The following FAT2 variants were observed in gnomAD, a reference collection of about 807,000 sequenced individuals.
FAT2 encodes protocadherin Fat 2.
A neutral mutation model predicts 295.3 loss-of-function variants in FAT2; 150 were observed. The ratio of observed to expected loss-of-function variants is 0.51; its 90% CI spans 0.44 to 0.58. The LOEUF (loss-of-function observed/expected upper bound fraction) is 0.58. Ranked by LOEUF, FAT2 falls within the 20% of genes least tolerant of loss-of-function variation. The pLI, the probability that FAT2 is intolerant of heterozygous loss-of-function variation, is 0.00. For missense variants in FAT2, 4,868 were observed against 5,442.7 expected, an observed-to-expected ratio of 0.89 and a Z score of 3.32; for synonymous variants, 2,026 against 2,150.3, an observed-to-expected ratio of 0.94 and a Z score of 1.60.
At chr5:151,548,405 G>T (rs1314004451) in intron 9 of FAT2, among the ~76,000 whole-genome samples, 1 of 151,904 alleles carries the variant, frequency 6.6e-6, no homozygotes, top group Middle Eastern at 3.2e-3. Context: ...TATAGTAATT[G>T]CTTATAATTA....
chr5:151,579,969 T>C (rs1758882440), intron 1 of FAT2, among the ~76,000 whole-genome samples: 4 of 152,204 alleles, frequency 2.6e-5, no homozygotes. Context: ...TCCCTATGCA[T>C]TGTCCCTTTG....
chr5:151,523,578 A>C (rs1342946734), intron 18 of FAT2, among the ~76,000 whole-genome samples: 1 of 152,154 alleles, frequency 6.6e-6, no homozygotes, highest in Non-Finnish European at 1.5e-5. Flanking sequence ...GTACGGGACC[A>C]ATGCAATTGA....
rs1581269875 is a variant in FAT2, at chr5:151,510,069, G to A, written c.12011C>T (p.Ser4004Phe). The part of the protein sequence containing the change: ...PCLEGGTCIL[S>F]PKGASCNCPH... Reference sequence around the variant, plus strand: ...GCAGTTACAGGAAGCTCCTTTGGGGGAGAGGATGCAAGTTCCACCTTCCAG... The same window carrying A: ...GCAGTTACAGGAAGCTCCTTTGGGGAAGAGGATGCAAGTTCCACCTTCCAG... The change falls in exon 22 of 24, where the codon TCC becomes TTC. Residue 4004 changes from serine to phenylalanine, a missense_variant. By Grantham distance (155) the Ser-to-Phe change is radical (BLOSUM62 -2). Around this residue, in one of 5 missense-constraint regions of FAT2, gnomAD observed 492 missense variants for 482.6 expected, o/e 1.02. Coordinates refer to ENST00000261800, the MANE Select transcript of FAT2 (RefSeq NM_001447.3). 6.2e-7 allele frequency: 1 copy of A among 1,614,218 alleles called. No individual in the cohort carries two copies. Among genetic ancestry groups the A allele is most frequent in the Non-Finnish European group, 8.5e-7 (1 of 1,180,032 alleles).
chr5:151,549,572 G>A (rs1756988722), intron 8 of FAT2, 67 bp from the exon 9 acceptor site: 14 of 1,395,486 alleles, frequency 1.0e-5, no homozygotes, highest in Non-Finnish European at 1.4e-5. Flanking sequence ...GTTAGGGTAA[G>A]GTTAATGAAC....
chr5:151,562,511 G>A, intron 3 of FAT2, among the ~76,000 whole-genome samples: 1 of 152,126 alleles, frequency 6.6e-6, no homozygotes, highest in African/African-American at 2.4e-5. Context: ...CACAACAGGG[G>A]ATGGCAGGAC....
intron 12 of FAT2, among the ~76,000 whole-genome samples, chr5:151,535,904 T>C (rs914623921): frequency 5.9e-5 from 9 of 152,188 alleles, no homozygotes; most frequent in Non-Finnish European, 8.8e-5. Flanking sequence ...TTGCTGATGA[T>C]TGGTGTGGTG....
rs1031086356 is a variant in FAT2, at chr5:151,506,032, G to C, written c.12583C>G (p.His4195Asp). The C allele has an allele frequency of 3.8e-6, 6 of 1,568,958 alleles. No individual in the cohort carries two copies. The highest frequency in any genetic ancestry group is 1.4e-5 in the African/African-American group (1 of 73,116). The change falls in exon 24 of 24, where the codon CAC becomes GAC. Residue 4195 changes from histidine to aspartate, a missense_variant. This residue lies in a region of FAT2 where 492 missense variants were observed against 482.6 expected (regional missense o/e 1.02). Transcript: ENST00000261800. ...YSRNERWEYP[H>D]SEVTQGPLPP... is the part of the protein sequence containing the mutation. ...AGAGGGCCCTGAGTCACTTCGGAGT[G>C]GGGGTATTCCCAGCGTTCGTTCCTG...
intron 12 of FAT2, among the ~76,000 whole-genome samples, chr5:151,535,338 T>C (rs1003689723): frequency 6.6e-6 from 1 of 152,058 alleles, no homozygotes; most frequent in African/African-American, 2.4e-5. Flanking sequence ...GATTCCCATC[T>C]TTCCCCCCTT....
rs550225603 is a variant in FAT2 at position 151,587,655 on chromosome 5, A to G, written c.-21+3510T>C. ...TTGCCTGTGTTTTACCACCTACCCC[A>G]AGATATTAAACCACCCATTTATGGG... is the stretch of plus-strand genomic sequence containing the variant. On this transcript the variant is annotated intron_variant, in intron 1 of 23. Coordinates refer to ENST00000261800, the MANE Select transcript of FAT2 (RefSeq NM_001447.3). Among the ~76,000 whole-genome samples the G allele has an allele frequency of 2.0e-5, 3 of 152,204 alleles. No individual in the cohort carries two copies. The South Asian group carries it at 6.2e-4, about 32-fold the overall frequency.
At position 151,537,760 on chromosome 5, in the gene FAT2, TC is replaced by T. The variant is rs759132317; in HGVS notation, c.9193+32del. On this transcript the variant is annotated intron_variant, in intron 12 of 23. Transcript: ENST00000261800. Reference sequence around the variant, plus strand: ...GGCACTTGGTATTCAGTAAAGAAGTTCTTGTTTTGATCCTGCAGCTCAGGAA... The same window carrying T: ...GGCACTTGGTATTCAGTAAAGAAGTTTTGTTTTGATCCTGCAGCTCAGGAA... The T allele has an allele frequency of 2.1e-5, 33 of 1,591,438 alleles. No individual in the cohort carries two copies. In the Middle Eastern group the frequency reaches 5.2e-4, roughly 25 times the overall value.
intron 2 of FAT2, among the ~76,000 whole-genome samples, chr5:151,564,411 CTCTT>C (rs1430448930): frequency 1.3e-5 from 2 of 152,210 alleles, no homozygotes; most frequent in African/African-American, 2.4e-5. Context: ...TAATCTAATG[CTCTT>C]TCTAATTAAA....
At chr5:151,584,174 G>A (rs1015495444) in intron 1 of FAT2, among the ~76,000 whole-genome samples, 3 of 152,062 alleles carry the variant, frequency 2.0e-5, no homozygotes, top group African/African-American at 7.2e-5. Context: ...GAACCAGGAA[G>A]GAGACAGTTC....
intron 20 of FAT2, among the ~76,000 whole-genome samples, chr5:151,515,406 C>T (rs1752758491): frequency 6.6e-6 from 1 of 152,192 alleles, no homozygotes; most frequent in Non-Finnish European, 1.5e-5. Context: ...CACGTATGCG[C>T]TGAAGACTCC....
chr5:151,533,854 A>G (rs1281677239), intron 13 of FAT2, among the ~76,000 whole-genome samples: 6 of 152,184 alleles, frequency 3.9e-5, no homozygotes, highest in Admixed American at 6.5e-5. Context: ...AGCATAAGCT[A>G]TAATTGGTAC....
At chr5:151,585,056 T>G (rs1759117013) in intron 1 of FAT2, among the ~76,000 whole-genome samples, 1 of 152,148 alleles carries the variant, frequency 6.6e-6, no homozygotes, top group Non-Finnish European at 1.5e-5. Flanking sequence ...ATGAAATAAT[T>G]TAAGGTAAAG....
chr5:151,546,520 A>ATAG (rs1490815126), intron 9 of FAT2, among the ~76,000 whole-genome samples, 183 bp from the exon 10 acceptor site: 1 of 152,206 alleles, frequency 6.6e-6, no homozygotes, highest in Non-Finnish European at 1.5e-5. Context: ...CATGGTGTGC[A>ATAG]TAGTAGGTGC....
At chr5:151,592,181 T>G (rs1204753086), upstream of FAT2, among the ~76,000 whole-genome samples, 1 of 152,210 alleles carries the variant, frequency 6.6e-6, no homozygotes, top group African/African-American at 2.4e-5. Context: ...TTACGCACCC[T>G]GTGTTGAGAA....
chr5:151,539,818 A>AC (rs1755916873), intron 11 of FAT2, among the ~76,000 whole-genome samples: 1 of 152,210 alleles, frequency 6.6e-6, no homozygotes, highest in African/African-American at 2.4e-5. Context: ...ACCCCACTCA[A>AC]CATTTGTTCC....
chr5:151,518,627 TAAAG>T (rs1419550884), intron 19 of FAT2, among the ~76,000 whole-genome samples: 1 of 152,178 alleles, frequency 6.6e-6, no homozygotes, highest in African/African-American at 2.4e-5. Context: ...CACTCTATGA[TAAAG>T]AGAGAGGGGC....
Sources: allele counts gnomAD v4.1 joint callset (sites outside exome capture counted in the v4.1 genomes callset), GRCh38; gene constraint gnomAD v4.1.1; regional missense constraint gnomAD v4.1.1; transcripts MANE v1.5; gene names NCBI Gene and HGNC (gene_info 2026-07-23, HGNC 2026-07-21).